The following GOLGA1 variants were observed in gnomAD, a reference collection of about 807,000 sequenced individuals.
GOLGA1 encodes the protein golgin subfamily A member 1.
In GOLGA1, 63 loss-of-function variants were observed where a neutral mutation model predicts 119.7. The observed-to-expected ratio is 0.53, with a 90% confidence interval of 0.43 to 0.65. The LOEUF (loss-of-function observed/expected upper bound fraction) is 0.65, where lower values mean the gene tolerates loss of function less well. Ranked by LOEUF, GOLGA1 falls within the 30% of genes least tolerant of loss-of-function variation. The probability of loss-of-function intolerance (pLI) is 0.00; values close to 1 mark genes in which losing one functional copy is unlikely to be tolerated. For missense variants in GOLGA1, 798 were observed against 912.8 expected (o/e 0.87, Z 1.62); for synonymous variants, 318 against 333.4 (o/e 0.95, Z 0.50).
intron 15 of GOLGA1, among the ~76,000 whole-genome samples, chr9:124,893,722 T>G (rs573987241): frequency 1.3e-5 from 2 of 152,292 alleles, no homozygotes; most frequent in South Asian, 4.1e-4. Flanking sequence ...ACTCCAAATT[T>G]TATTCCCCTA....
intron 12 of GOLGA1, among the ~76,000 whole-genome samples, chr9:124,904,732 G>A (rs1023418383): frequency 2.0e-5 from 3 of 152,080 alleles, no homozygotes; most frequent in South Asian, 2.1e-4. Context: ...ACGAGGTCAG[G>A]AGTTCAAGAC....
intron 5 of GOLGA1, among the ~76,000 whole-genome samples, chr9:124,928,757 C>T (rs919723171): frequency 5.9e-5 from 9 of 152,170 alleles, no homozygotes; most frequent in African/African-American, 2.2e-4. Flanking sequence ...CTTCTACTAA[C>T]ATCTTTCTTG....
In GOLGA1 at chr9:124,931,370, A is replaced by G. The variant is rs750172480; in HGVS notation, c.172T>C (p.Ser58Pro). Residue 58 changes from serine (S) to proline (P), a missense_variant, in exon 4 of 23, where the codon TCC becomes CCC. Ser to Pro is a moderately conservative substitution (Grantham distance 74, BLOSUM62 -1). Coordinates refer to ENST00000373555, the MANE Select transcript of GOLGA1 (RefSeq NM_002077.4). ...TGTTCATTCCTTCTCAGAAGCTGGG[A>G]TGAAAGATCTTCTCTGGAGCTGCTT... ...DGSSSREDLSSQLLRRNEQIR... is the reference protein window; with the variant it reads ...DGSSSREDLSPQLLRRNEQIR... The G allele has an allele frequency of 6.3e-7, 1 of 1,599,072 alleles. No individual in the cohort carries two copies. The highest frequency in any genetic ancestry group is 1.1e-5 in the South Asian group (1 of 90,776).
chr9:124,919,205 C>T (rs905172483), intron 10 of GOLGA1, among the ~76,000 whole-genome samples: 2 of 151,646 alleles, frequency 1.3e-5, no homozygotes, highest in Non-Finnish European at 2.9e-5. Flanking sequence ...TGCAGTGAGC[C>T]GTTGACGTCA....
In GOLGA1 at chr9:124,917,087, T is replaced by A. The variant is rs192252249; in HGVS notation, c.843+4042A>T. Among the ~76,000 whole-genome samples the A allele has an allele frequency of 3.9e-5, 6 of 152,058 alleles. No homozygotes were observed. In the East Asian group the frequency reaches 1.2e-3, roughly 29 times the overall value. On this transcript the variant is annotated intron_variant, in intron 10 of 22. Transcript: ENST00000373555. ...TACCTACAGAATGATTTATATAACA[T>A]TAACAAGCATGGGAAACTAAAGAAG...
At position 124,898,600 on chromosome 9, in the gene GOLGA1, A is replaced by G. The variant is rs1830030541; in HGVS notation, c.1356T>C (p.Asn452=). The change falls in exon 15 of 23, where the codon AAT becomes AAC. Residue 452 remains asparagine (N), a synonymous_variant. Transcript: ENST00000373555. ...QENAALKECR[N]EYERSLQNHQ... is the part of the protein sequence containing the mutation. ...GATTTTGTAAAGAACGTTCATATTC[A>G]TTCCTGCATTCTTTAAGGGCTGCAT... 3 of 1,611,542 alleles carry G rather than the reference A, an allele frequency of 1.9e-6. No individual in the cohort carries two copies. The highest frequency in any genetic ancestry group is 1.6e-4 in the Middle Eastern group (1 of 6,078).
intron 16 of GOLGA1, among the ~76,000 whole-genome samples, 153 bp downstream of exon 16, chr9:124,890,235 CA>C (rs1346589861): frequency 6.6e-6 from 1 of 152,152 alleles, no homozygotes; most frequent in African/African-American, 2.4e-5. Flanking sequence ...CTAGAGAGCA[CA>C]GGGGCCCACG....
At position 124,878,431 on chromosome 9, in the gene GOLGA1, A is replaced by C. The variant is rs1481364869; in HGVS notation, c.*2099T>G. ...GCACCACAGATGAATTTGCTACAGC[A>C]GTTTTCAAGAATACAATCCCTATTT... is the stretch of plus-strand genomic sequence containing the variant. On this transcript the variant is annotated 3_prime_UTR_variant, in exon 23 of 23. Transcript: ENST00000373555. 1 of 152,650 alleles carries C rather than the reference A, an allele frequency of 6.6e-6. No individual in the cohort carries two copies. Among genetic ancestry groups the C allele is most frequent in the East Asian group, 1.9e-4 (1 of 5,204 alleles). The allele number at this position is 152,650 out of a possible 1,614,324, so 9.5% of individuals were successfully genotyped here.
rs201038749 is a variant in GOLGA1 at position 124,928,366 on chromosome 9, C to T, written c.302-81G>A. On this transcript the variant is annotated intron_variant, in intron 5 of 22. Coordinates refer to ENST00000373555, the MANE Select transcript of GOLGA1 (RefSeq NM_002077.4). ...AAATAGCCCATGTGATTACAACTGT[C>T]ACCTAATGAAAAAGGCCAAAGTCAC... 4.5e-6 allele frequency: 3 copies of T among 669,246 alleles called. No individual in the cohort carries two copies. The East Asian group carries it at 9.1e-5, about 20-fold the overall frequency. The allele number at this position is 669,246 out of a possible 1,614,324, so 41.5% of individuals were successfully genotyped here.
intron 3 of GOLGA1, among the ~76,000 whole-genome samples, chr9:124,934,615 ATAAG>A (rs1342773086): frequency 7.2e-5 from 11 of 152,234 alleles, no homozygotes; most frequent in Non-Finnish European, 1.5e-4. Context: ...TGCTGGCCAT[ATAAG>A]CTGAGAGAAG....
At chr9:124,918,320 T>C (rs1400502188) in intron 10 of GOLGA1, among the ~76,000 whole-genome samples, 4 of 152,214 alleles carry the variant, frequency 2.6e-5, no homozygotes, top group Non-Finnish European at 5.9e-5. Flanking sequence ...ACCATAATAT[T>C]ATGAACACCC....
At position 124,880,431 on chromosome 9, in the gene GOLGA1, G is replaced by A; in HGVS notation, c.*99C>T. ...TGTTTAGACACTTGTACAAAATACT[G>A]CAGTTACAGTGATTAAAAACCCACC... On this transcript the variant is annotated 3_prime_UTR_variant, in exon 23 of 23. Transcript: ENST00000373555. The A allele has an allele frequency of 1.4e-6, 1 of 729,032 alleles. No individual in the cohort carries two copies. Among genetic ancestry groups the A allele is most frequent in the South Asian group, 1.4e-5 (1 of 71,664 alleles). 45.2% of individuals were successfully genotyped at this position (729,032 alleles called of 1,614,324 possible).
At chr9:124,936,745 C>T (rs892516102) in intron 3 of GOLGA1, among the ~76,000 whole-genome samples, 1 of 152,214 alleles carries the variant, frequency 6.6e-6, no homozygotes, top group Admixed American at 6.5e-5. Flanking sequence ...GCTTCTGTGT[C>T]CAGCCTGGAA....
Position 124,903,055 on chromosome 9 carries a change from T to C in GOLGA1, c.1066-2508A>G, listed in dbSNP as rs144730047. Among the ~76,000 whole-genome samples the C allele has an allele frequency of 7.9e-5, 12 of 152,232 alleles. No individual in the cohort carries two copies. The East Asian group carries it at 2.3e-3, about 29-fold the overall frequency. ...AGAGATTAAAGAAAAAGTTACCATA[T>C]CACCCTGCAATTTTATTCCTAGGTA... On this transcript the variant is annotated intron_variant, in intron 12 of 22. Transcript: ENST00000373555.
At chr9:124,920,798 G>A (rs1830550965) in intron 10 of GOLGA1, among the ~76,000 whole-genome samples, 1 of 150,754 alleles carries the variant, frequency 6.6e-6, no homozygotes, top group Non-Finnish European at 1.5e-5. Flanking sequence ...GCCGGGTGTG[G>A]TGGCGGGCGC....
chr9:124,902,349 T>A (rs893011016), intron 12 of GOLGA1, among the ~76,000 whole-genome samples: 3 of 151,856 alleles, frequency 2.0e-5, no homozygotes, highest in Admixed American at 6.6e-5. Context: ...CCTGACCTCA[T>A]GATCCGCCTG....
chr9:124,903,277 C>T (rs933361350), intron 12 of GOLGA1, among the ~76,000 whole-genome samples: 7 of 152,086 alleles, frequency 4.6e-5, no homozygotes, highest in Admixed American at 3.3e-4. Context: ...CACTTGAGGC[C>T]AGGAGTTCGA....
intron 15 of GOLGA1, among the ~76,000 whole-genome samples, chr9:124,894,380 T>TTGTGTGTGTGTGTG (rs35289660): frequency 5.4e-5 from 8 of 147,722 alleles, no homozygotes; most frequent in Non-Finnish European, 7.5e-5. Flanking sequence ...ATTTAAAGTT[T>TTGTGTGTGTGTGTG]TGTGTGTGTG....
intron 3 of GOLGA1, among the ~76,000 whole-genome samples, chr9:124,938,076 C>T (rs2131542894): frequency 6.9e-6 from 1 of 145,518 alleles, no homozygotes; most frequent in South Asian, 2.2e-4. Flanking sequence ...GAGCGAGAAT[C>T]CATCTCAAAA....
Sources: gnomAD v4.1 joint callset for allele counts (sites outside exome capture counted in the v4.1 genomes callset) on GRCh38, gnomAD v4.1.1 for gene constraint, MANE v1.5 for transcripts, NCBI Gene and HGNC (gene_info 2026-07-23, HGNC 2026-07-21) for gene names.